SPAST: variants seen among roughly 807,000 people sequenced by gnomAD.
SPAST encodes the protein spastic paraplegia 4 (autosomal dominant; spastin).
SPAST carries 30 observed loss-of-function variants against 76.6 expected under a neutral mutation model. The ratio of observed to expected loss-of-function variants is 0.39; its 90% CI spans 0.29 to 0.53. SPAST has a LOEUF of 0.53. Among genes scored for constraint, SPAST ranks in the 20% least tolerant of loss-of-function variants. The pLI is 0.68. For missense variants in SPAST, 717 were observed against 770.5 expected, an observed-to-expected ratio of 0.93 and a Z score of 0.82; for synonymous variants, 305 against 281.0, an observed-to-expected ratio of 1.09 and a Z score of -0.86.
At chr2:32,088,738 A>T (rs1256802042) in intron 2 of SPAST, among the ~76,000 whole-genome samples, 1 of 152,228 alleles carries the variant, frequency 6.6e-6, no homozygotes, top group Non-Finnish European at 1.5e-5. Flanking sequence ...AAAGTATGAT[A>T]TATGCTCTTT....
chr2:32,078,895 A>G (rs1237318142), intron 1 of SPAST, among the ~76,000 whole-genome samples: 1 of 152,056 alleles, frequency 6.6e-6, no homozygotes, highest in Non-Finnish European at 1.5e-5. Flanking sequence ...TTTGTCACCC[A>G]GGTTGGAGTG....
chr2:32,147,272 C>A lies in SPAST; in HGVS notation c.1728+14C>A, dbSNP rs1244186185. 1.3e-6 allele frequency: 2 copies of A among 1,496,742 alleles called. No individual in the cohort carries two copies. The highest frequency in any genetic ancestry group is 1.8e-6 in the Non-Finnish European group (2 of 1,096,632). 92.7% of individuals were successfully genotyped at this position (1,496,742 alleles called of 1,614,324 possible). ...TCTGCCAGTGAGGTATAGTATTTTACAATGATATTTTCTTTGTCTTCTATA... is the reference window on the plus strand; with the variant it reads ...TCTGCCAGTGAGGTATAGTATTTTAAAATGATATTTTCTTTGTCTTCTATA... On this transcript the variant is annotated intron_variant, in intron 16 of 16. Transcript: ENST00000315285.
At chr2:32,147,670 C>T (rs1040745300) in intron 16 of SPAST, among the ~76,000 whole-genome samples, 4 of 151,532 alleles carry the variant, frequency 2.6e-5, no homozygotes, top group African/African-American at 7.3e-5. Context: ...CTCACTCTGT[C>T]GCCCAGACTG....
At chr2:32,106,054 C>A (rs1409663899) in intron 4 of SPAST, among the ~76,000 whole-genome samples, 1 of 152,196 alleles carries the variant, frequency 6.6e-6, no homozygotes, top group East Asian at 1.9e-4. Context: ...CCCATGTCCC[C>A]AGAGGTGGAG....
At chr2:32,148,730 G>A (rs1679976939) in intron 16 of SPAST, among the ~76,000 whole-genome samples, 2 of 151,564 alleles carry the variant, frequency 1.3e-5, no homozygotes, top group African/African-American at 4.9e-5. Context: ...AGAATGGCGT[G>A]AACCTGGGAA....
rs980053788 is a variant in SPAST, at chr2:32,082,788, C to T, written c.416-4704C>T. On this transcript the variant is annotated intron_variant, in intron 1 of 16. Coordinates refer to ENST00000315285, the MANE Select transcript of SPAST (RefSeq NM_014946.4). ...ATGTAGTATGTAGCCTTTTGTGTCT[C>T]GCTTCTCTCCCTTTGCATAATATTT... Among the ~76,000 whole-genome samples, 3 of 152,002 alleles carry T rather than the reference C, an allele frequency of 2.0e-5. No homozygotes were observed. The East Asian group carries it at 5.8e-4, about 29-fold the overall frequency.
rs75702258 is a variant in SPAST at position 32,118,937 on chromosome 2, T to C, written c.1098+2725T>C. Among the ~76,000 whole-genome samples the C allele has an allele frequency of 9.8e-3, 1,490 of 152,304 alleles. 14 individuals carry two copies. The highest frequency in any genetic ancestry group is 0.013 in the Non-Finnish European group (855 of 68,016). ...TAATAAGTAACATGTGAATTTGAAT[T>C]TAGGCATATTTTCATGGTAGTGACA... is the stretch of plus-strand genomic sequence containing the variant. On this transcript the variant is annotated intron_variant, in intron 7 of 16. Transcript: ENST00000315285.
chr2:32,095,449 G>C lies in SPAST; in HGVS notation c.587-3347G>C, dbSNP rs187797250. On this transcript the variant is annotated intron_variant, in intron 3 of 16. Transcript: ENST00000315285. Reference sequence around the variant, plus strand: ...GAATAAAAGTTATGAAAGAATGTGAGGGCTGGGCACAGTGGCTCATACCTG... The same window carrying C: ...GAATAAAAGTTATGAAAGAATGTGACGGCTGGGCACAGTGGCTCATACCTG... Among the ~76,000 whole-genome samples the C allele has an allele frequency of 3.7e-3, 565 of 152,140 alleles. 4 individuals carry two copies. The highest frequency in any genetic ancestry group is 0.013 in the African/African-American group (546 of 41,518).
chr2:32,126,905 G>T, intron 7 of SPAST, 43 bp from the exon 8 acceptor site: 1 of 1,363,544 alleles, frequency 7.3e-7, no homozygotes, highest in Non-Finnish European at 1.0e-6. Context: ...TACTTAAAAT[G>T]TCTCTAGAAT....
chr2:32,108,758 C>CTTTTTTTTT (rs71407413), intron 4 of SPAST, among the ~76,000 whole-genome samples: 23 of 73,906 alleles, frequency 3.1e-4, no homozygotes, highest in South Asian at 7.1e-4. Flanking sequence ...GCTGGTATAG[C>CTTTTTTTTT]TTTTTTTTTT....
intron 13 of SPAST, 77 bp downstream of exon 13, chr2:32,142,023 A>G (rs1431083529): frequency 1.8e-6 from 2 of 1,099,332 alleles, no homozygotes; most frequent in Non-Finnish European, 2.8e-6. Context: ...TAAGTCTTCC[A>G]ATCCATGGTA....
At chr2:32,146,384 T>G (rs1257222149) in intron 15 of SPAST, among the ~76,000 whole-genome samples, 2 of 150,528 alleles carry the variant, frequency 1.3e-5, no homozygotes, top group Non-Finnish European at 3.0e-5. Context: ...CATAGGGAGA[T>G]CCTGTCTCTA....
chr2:32,133,887 C>G (rs886960729), intron 9 of SPAST, among the ~76,000 whole-genome samples: 3 of 152,156 alleles, frequency 2.0e-5, no homozygotes, highest in Admixed American at 2.0e-4. Flanking sequence ...GTAAAATCTT[C>G]TGTAAGTTTC....
intron 1 of SPAST, among the ~76,000 whole-genome samples, chr2:32,085,052 A>G (rs1308212858): frequency 2.6e-5 from 4 of 152,072 alleles, no homozygotes; most frequent in Admixed American, 6.6e-5. Flanking sequence ...TACAAGTGCT[A>G]TTACACTATT....
At chr2:32,092,492 A>G (rs555405874) in intron 3 of SPAST, among the ~76,000 whole-genome samples, 3 of 152,320 alleles carry the variant, frequency 2.0e-5, no homozygotes, top group Non-Finnish European at 4.4e-5. Flanking sequence ...AGGACATTAG[A>G]AGTATTAATA....
chr2:32,111,251 TAGTGTGTATAG>T, intron 4 of SPAST, among the ~76,000 whole-genome samples: 1 of 95,522 alleles, frequency 1.0e-5, no homozygotes, highest in East Asian at 4.3e-4. Context: ...GTATACTATA[TAGTGTGTATAG>T]CGTATATATA....
At chr2:32,073,397 C>T (rs374648074) in intron 1 of SPAST, among the ~76,000 whole-genome samples, 13 of 152,202 alleles carry the variant, frequency 8.5e-5, no homozygotes, top group African/African-American at 3.1e-4. Flanking sequence ...CTGTCTTACT[C>T]TCTCTGTTCC....
In SPAST at chr2:32,157,168, T is replaced by C. The variant is rs1680279812; in HGVS notation, c.*2672T>C. The C allele has an allele frequency of 6.5e-6, 1 of 152,770 alleles. No homozygotes were observed. The highest frequency in any genetic ancestry group is 2.1e-4 in the South Asian group (1 of 4,830). The allele number at this position is 152,770 out of a possible 1,614,324, so 9.5% of individuals were successfully genotyped here. A position where few individuals can be genotyped will look rare whatever the true frequency, so the allele number is the denominator to read the frequency against. On this transcript the variant is annotated 3_prime_UTR_variant, in exon 17 of 17. Coordinates refer to ENST00000315285, the MANE Select transcript of SPAST (RefSeq NM_014946.4). ...GCTTAAACATTAAGCATTAGTGTGC[T>C]CTTCATGTTAATATGGCAGAGTTTT...
intron 2 of SPAST, among the ~76,000 whole-genome samples, chr2:32,088,476 C>G (rs1281353092): frequency 1.3e-5 from 2 of 152,158 alleles, no homozygotes; most frequent in Admixed American, 6.5e-5. Flanking sequence ...GAAACCCTGT[C>G]TCTACTAAAA....
Sources: gnomAD v4.1 joint callset for allele counts (sites outside exome capture counted in the v4.1 genomes callset) on GRCh38, gnomAD v4.1.1 for gene constraint, MANE v1.5 for transcripts, NCBI Gene and HGNC (gene_info 2026-07-23, HGNC 2026-07-21) for gene names.